The following FAM193B variants were observed in gnomAD, a reference collection of about 807,000 sequenced individuals.
FAM193B encodes the protein protein FAM193B.
In FAM193B, 27 loss-of-function variants were observed where a neutral mutation model predicts 70.7. That is an observed-to-expected ratio of 0.38 (90% CI 0.28 to 0.53). The LOEUF is 0.53. FAM193B is among the 20% of genes least tolerant of loss of function. The probability of loss-of-function intolerance (pLI) is 0.81; values close to 1 mark genes in which losing one functional copy is unlikely to be tolerated. For synonymous variants in FAM193B, 448 were observed against 436.0 expected, an observed-to-expected ratio of 1.03 and a Z score of -0.34; for missense variants, 1,022 against 1,072.5, an observed-to-expected ratio of 0.95 and a Z score of 0.66.
rs888318441 is a variant in FAM193B, at chr5:177,553,804, T to C, written c.210+445A>G. 14 of 1,286,846 alleles carry C rather than the reference T, an allele frequency of 1.1e-5. No individual in the cohort carries two copies. The East Asian group carries it at 6.7e-4, about 61-fold the overall frequency. The allele number at this position is 1,286,846 out of a possible 1,614,324, so 79.7% of individuals were successfully genotyped here. On this transcript the variant is annotated intron_variant, in intron 1 of 8. Transcript: ENST00000514747. The stretch of plus-strand genomic sequence containing the variant: ...CTGAGGGGGCCGCGGCTGCAGGCGC[T>C]GCAGGGGACGGAGTGGAGCCGTTCC...
intron 1 of FAM193B, among the ~76,000 whole-genome samples, chr5:177,543,967 C>T (rs1257268111): frequency 2.0e-5 from 3 of 152,254 alleles, no homozygotes; most frequent in Non-Finnish European, 4.4e-5. Context: ...AATCCAGCAG[C>T]CCTGGGCAGC....
chr5:177,522,684 A>G (rs1191992107), intron 7 of FAM193B, among the ~76,000 whole-genome samples: 1 of 151,928 alleles, frequency 6.6e-6, no homozygotes, highest in Non-Finnish European at 1.5e-5. Context: ...AAAATACCTA[A>G]TACAATGTAA....
intron 1 of FAM193B, among the ~76,000 whole-genome samples, chr5:177,548,057 A>C (rs1419324953): frequency 1.3e-5 from 2 of 152,192 alleles, no homozygotes; most frequent in Non-Finnish European, 2.9e-5. Flanking sequence ...CCAAATACAT[A>C]AAGTAGTCAC....
At chr5:177,520,466 C>CCAGCTGTG (rs1238271879) in intron 8 of FAM193B, among the ~76,000 whole-genome samples, 1 of 152,216 alleles carries the variant, frequency 6.6e-6, no homozygotes, top group Non-Finnish European at 1.5e-5. Context: ...GGCTGGGAGG[C>CCAGCTGTG]CAGCTGTGCA....
At chr5:177,530,421 C>T (rs968398069) in intron 5 of FAM193B, among the ~76,000 whole-genome samples, 1 of 152,210 alleles carries the variant, frequency 6.6e-6, no homozygotes, top group African/African-American at 2.4e-5. Flanking sequence ...GGAGACATCC[C>T]TGCCTCCATC....
intron 1 of FAM193B, among the ~76,000 whole-genome samples, chr5:177,549,200 T>C (rs1233736196): frequency 1.3e-5 from 2 of 148,932 alleles, no homozygotes; most frequent in African/African-American, 4.9e-5. Context: ...TTTTTTTTTT[T>C]TTTTTTTTTG....
At chr5:177,525,416 A>G in intron 5 of FAM193B, 1 of 416,784 alleles carries the variant, frequency 2.4e-6, no homozygotes, top group East Asian at 3.6e-5. Flanking sequence ...ACACCCACAG[A>G]GGGTAGGGTT....
chr5:177,531,657 C>T (rs1468772424), intron 5 of FAM193B: 3 of 801,808 alleles, frequency 3.7e-6, no homozygotes, highest in Non-Finnish European at 5.1e-6. Context: ...GGCCACATGG[C>T]TTCACCCTCT....
Position 177,524,350 on chromosome 5 carries a change from CCTT to C in FAM193B, c.2128_2130del (p.Lys710del), listed in dbSNP as rs777066904. On this transcript the variant is annotated inframe_deletion, in exon 6 of 9. Transcript: ENST00000514747. ...CAGTTTCGCCAGGAGCTGCCCTTCT[CCTT>C]CTCAGTTTTGGGACTGCCAGCCCAA... 12 of 1,577,494 alleles carry C rather than the reference CCTT, an allele frequency of 7.6e-6. No homozygotes were observed. The Admixed American group carries it at 9.2e-5, about 12-fold the overall frequency.
Position 177,536,617 on chromosome 5 carries a change from G to T in FAM193B, c.817C>A (p.Pro273Thr). 6.4e-7 allele frequency: 1 copy of T among 1,557,676 alleles called. No individual in the cohort carries two copies. ...GTGGTGGGCAGCAGGTGTGGGTGGG[G>T]TGGGGAGCCAAAGGAGCTGGGGTGA... ...PSHPSSFGSP[P>T]HPHLLPTTPA... is the part of the protein sequence containing the mutation. The change falls in exon 4 of 9, where the codon CCC becomes ACC. Residue 273 changes from proline to threonine, a missense_variant. Physicochemically the swap from Pro to Thr is conservative, Grantham distance 38 (BLOSUM62 -1). Transcript: ENST00000514747.
Position 177,524,397 on chromosome 5 carries a change from C to T in FAM193B, c.2084G>A (p.Gly695Glu). 1 of 1,575,680 alleles carries T rather than the reference C, an allele frequency of 6.3e-7. No individual in the cohort carries two copies. Among genetic ancestry groups the T allele is most frequent in the African/African-American group, 1.4e-5 (1 of 73,678 alleles). The change falls in exon 6 of 9, where the codon GGG (glycine) becomes GAG (glutamate). Residue 695 changes from glycine (G) to glutamate (E), a missense_variant. By Grantham distance (98) the Gly-to-Glu change is moderately conservative. Transcript: ENST00000514747. ...SCAEAGEGSRGSRPGPGWAGS... is the reference protein window; with the variant it reads ...SCAEAGEGSRESRPGPGWAGS... ...AGCCCAACCTGGTCCTGGCCGGCTCCCCCGGCTCCCCTCTCCAGCCTCAGC... is the reference window on the plus strand; with the variant it reads ...AGCCCAACCTGGTCCTGGCCGGCTCTCCCGGCTCCCCTCTCCAGCCTCAGC...
chr5:177,539,144 G>A lies in FAM193B; in HGVS notation c.214C>T (p.Pro72Ser), dbSNP rs1764547993. Residue 72 changes from proline to serine, a missense_variant, in exon 2 of 9, where the codon CCC becomes TCC. Coordinates refer to ENST00000514747, the MANE Select transcript of FAM193B (RefSeq NM_001190946.3). ...EPNLVPGPQV[P>S]PASSQPVQTC... is the part of the protein sequence containing the mutation. Reference sequence around the variant, plus strand: ...TGCACAGGCTGGCTGGAGGCGGGGGGGACCTGTCCAACAGACAGAAACAGG... The same window carrying A: ...TGCACAGGCTGGCTGGAGGCGGGGGAGACCTGTCCAACAGACAGAAACAGG... 1 of 1,562,666 alleles carries A rather than the reference G, an allele frequency of 6.4e-7. No homozygotes were observed. The highest frequency in any genetic ancestry group is 1.4e-5 in the African/African-American group (1 of 73,892).
In FAM193B at chr5:177,522,489, C is replaced by CT. The variant is rs919840087; in HGVS notation, c.2373-419dup. Among the ~76,000 whole-genome samples the CT allele has an allele frequency of 7.9e-5, 12 of 152,062 alleles. No individual in the cohort carries two copies. The East Asian group carries it at 1.5e-3, about 20-fold the overall frequency. On this transcript the variant is annotated intron_variant, in intron 7 of 8. Coordinates refer to ENST00000514747, the MANE Select transcript of FAM193B (RefSeq NM_001190946.3). ...AAACCTGCACTGCTCTTCCCATATA[C>CT]TTTTTTTTAAAATTACTATTTTTTT...
In FAM193B at chr5:177,532,266, A is replaced by T; in HGVS notation, c.1275+177T>A. On this transcript the variant is annotated intron_variant, in intron 5 of 8. Coordinates refer to ENST00000514747, the MANE Select transcript of FAM193B (RefSeq NM_001190946.3). This position sits in a 1 kb window ranked among gnomAD's most constrained non-coding sequence, Gnocchi z 4.9. ...AGCAAAGGTAGCAAAATGTTTAAAA[A>T]CCCCTACCTCACAAATGTGCTGTGA... 6.7e-7 allele frequency: 1 copy of T among 1,484,838 alleles called. No homozygotes were observed. The allele number at this position is 1,484,838 out of a possible 1,614,324, so 92.0% of individuals were successfully genotyped here.
intron 1 of FAM193B, chr5:177,552,080 G>A (rs972186333): frequency 3.0e-6 from 3 of 985,266 alleles, no homozygotes; most frequent in East Asian, 2.3e-4. Context: ...GACACCTACA[G>A]TTGGAGTCAT....
Position 177,524,028 on chromosome 5 carries a change from A to G in FAM193B, c.2301T>C (p.Asp767=), listed in dbSNP as rs372183962. The change falls in exon 7 of 9, where the codon GAT becomes GAC. Residue 767 remains aspartate (D), a synonymous_variant. Transcript: ENST00000514747. ...CGTCCATGTCCTTGGGCAGGAACAC[A>G]TCGTCTAGGAAGACACAGCCAGGAG... ...KQEKPASSLD[D]VFLPKDMDGV... 1.8e-4 allele frequency: 291 copies of G among 1,614,038 alleles called. No individual in the cohort carries two copies. In the African/African-American group the frequency reaches 2.6e-3, roughly 14 times the overall value.
intron 1 of FAM193B, among the ~76,000 whole-genome samples, chr5:177,541,580 G>A (rs528433206): frequency 2.0e-5 from 3 of 152,140 alleles, no homozygotes; most frequent in South Asian, 2.1e-4. Context: ...CACCACGCCC[G>A]GCTAATTTTT....
chr5:177,547,573 C>T (rs1039070370), intron 1 of FAM193B, among the ~76,000 whole-genome samples: 13 of 152,088 alleles, frequency 8.5e-5, no homozygotes, highest in Middle Eastern at 3.4e-3. Context: ...CGTGAGCCAC[C>T]GCGCCCGGCC....
chr5:177,540,200 G>A (rs961594745), intron 1 of FAM193B, among the ~76,000 whole-genome samples: 3 of 151,728 alleles, frequency 2.0e-5, no homozygotes, highest in African/African-American at 7.3e-5. Context: ...CCAGCTACTC[G>A]GGAGGCTGGG....
Sources: allele counts gnomAD v4.1 joint callset (sites outside exome capture counted in the v4.1 genomes callset), GRCh38; gene constraint gnomAD v4.1.1; non-coding constraint Gnocchi (gnomAD v3.1); transcripts MANE v1.5; gene names NCBI Gene and HGNC (gene_info 2026-07-23, HGNC 2026-07-21).